LRRC32: variants seen among roughly 807,000 people sequenced by gnomAD.
LRRC32 encodes the protein transforming growth factor beta activator LRRC32.
Under a neutral mutation model 15.0 loss-of-function variants are expected in LRRC32, and 5 were observed. The observed-to-expected ratio is 0.33, with a 90% CI of 0.17 to 0.70. LRRC32 has a LOEUF of 0.70. Among genes scored for constraint, LRRC32 ranks in the 30% least tolerant of loss-of-function variants. LRRC32 has a pLI of 0.66. For synonymous variants in LRRC32, 391 were observed against 403.9 expected (o/e 0.97, Z 0.38); for missense variants, 803 against 854.2 (o/e 0.94, Z 0.75).
intron 2 of LRRC32, among the ~76,000 whole-genome samples, chr11:76,664,482 G>T (rs79302749): frequency 6.6e-6 from 1 of 152,298 alleles, no homozygotes; most frequent in East Asian, 1.9e-4. Flanking sequence ...GACACCCACT[G>T]CCCAGCTTCC....
intron 2 of LRRC32, among the ~76,000 whole-genome samples, chr11:76,665,118 T>C (rs1267450318): frequency 1.1e-4 from 16 of 152,060 alleles, no homozygotes; most frequent in Admixed American, 1.0e-3. Context: ...TCTCATAGAG[T>C]CACAAGAACT....
Position 76,661,462 on chromosome 11 carries a change from G to GT in LRRC32, c.130_131insA (p.Pro44HisfsTer9), listed in dbSNP as rs773999707. The GT allele has an allele frequency of 6.2e-7, 1 of 1,613,096 alleles. No homozygotes were observed. The highest frequency in any genetic ancestry group is 1.3e-5 in the African/African-American group (1 of 74,918). ...CTCAGTGTCTGGCGGGAGCACCGAGGGGACCTGGAGCAGGCCCAGAACCTG... is the reference window on the plus strand; with the variant it reads ...CTCAGTGTCTGGCGGGAGCACCGAGGTGGACCTGGAGCAGGCCCAGAACCTG... On this transcript the variant is annotated frameshift_variant, in exon 3 of 3. Transcript: ENST00000260061. LOFTEE classifies it low-confidence loss of function (END_TRUNC).
Position 76,661,110 on chromosome 11 carries a change from C to A in LRRC32, c.483G>T (p.Leu161=), listed in dbSNP as rs769169580. The A allele has an allele frequency of 5.6e-6, 9 of 1,613,934 alleles. No individual in the cohort carries two copies. In the South Asian group the frequency reaches 8.8e-5, roughly 16 times the overall value. The change falls in exon 3 of 3, where the codon CTG becomes CTT. Residue 161 remains leucine, a synonymous_variant. Coordinates refer to ENST00000260061, the MANE Select transcript of LRRC32 (RefSeq NM_001128922.2). ...LHTLSLAENS[L]TRLTRHTFRD... Reference sequence around the variant, plus strand: ...GGAAGGTGTGGCGGGTGAGGCGAGTCAGACTGTTCTCCGCCAGTGAGAGGG... The same window carrying A: ...GGAAGGTGTGGCGGGTGAGGCGAGTAAGACTGTTCTCCGCCAGTGAGAGGG...
At chr11:76,665,623 T>C (rs1216544880) in intron 2 of LRRC32, among the ~76,000 whole-genome samples, 3 of 152,214 alleles carry the variant, frequency 2.0e-5, no homozygotes, top group South Asian at 2.1e-4. Context: ...CTGAATGACC[T>C]TGGACAAGGC....
chr11:76,667,667 C>T (rs1952647189), intron 1 of LRRC32, among the ~76,000 whole-genome samples: 1 of 152,232 alleles, frequency 6.6e-6, no homozygotes, highest in Non-Finnish European at 1.5e-5. Context: ...AGCAGAACGC[C>T]ACCGCCCGTT....
intron 2 of LRRC32, 123 bp downstream of exon 2, chr11:76,665,748 C>T (rs1952615074): frequency 1.4e-6 from 2 of 1,410,132 alleles, no homozygotes; most frequent in African/African-American, 2.8e-5. Context: ...TCATTAAATG[C>T]AAGGTACATT....
rs565040023 is a variant in LRRC32 at position 76,667,489 on chromosome 11, G to C, written c.-4-1531C>G. Among the ~76,000 whole-genome samples, 106 of 152,204 alleles carry C rather than the reference G, an allele frequency of 7.0e-4. 1 individual carries two copies. The highest frequency in any genetic ancestry group is 1.3e-3 in the Non-Finnish European group (90 of 68,020). On this transcript the variant is annotated intron_variant, in intron 1 of 2. Coordinates refer to ENST00000260061, the MANE Select transcript of LRRC32 (RefSeq NM_001128922.2). ...TAGTGATGAGCTATGGACGAAGATG[G>C]CTGCTCTGAATCCCATCTCTCTTGA...
At chr11:76,668,155 A>G (rs1262285332) in intron 1 of LRRC32, among the ~76,000 whole-genome samples, 3 of 152,012 alleles carry the variant, frequency 2.0e-5, no homozygotes, top group African/African-American at 4.8e-5. Flanking sequence ...AGTCTCGGTG[A>G]CATGGGGTCG....
chr11:76,661,016 A>G lies in LRRC32; in HGVS notation c.577T>C (p.Phe193Leu), dbSNP rs1168455001. 2 of 1,614,126 alleles carry G rather than the reference A, an allele frequency of 1.2e-6. No homozygotes were observed. Among genetic ancestry groups the G allele is most frequent in the South Asian group, 1.1e-5 (1 of 91,076 alleles). ...NVLMDIEDGA[F>L]EGLPRLTHLN... The stretch of plus-strand genomic sequence containing the variant: ...TGGGTCAGGCGGGGCAGACCCTCGA[A>G]GGCGCCATCCTCGATGTCCATCAGC... Residue 193 changes from phenylalanine (F) to leucine (L), a missense_variant, in exon 3 of 3, where the codon TTC (phenylalanine) becomes CTC (leucine). Coordinates refer to ENST00000260061, the MANE Select transcript of LRRC32 (RefSeq NM_001128922.2).
In LRRC32 at chr11:76,668,632, A is replaced by G. The variant is rs568314693; in HGVS notation, c.-5+1982T>C. ...CACATGTCATTGTTTTCCCACATTT[A>G]TCATTTCCTCATCATTTATTTCTTA... On this transcript the variant is annotated intron_variant, in intron 1 of 2. Coordinates refer to ENST00000260061, the MANE Select transcript of LRRC32 (RefSeq NM_001128922.2). Among the ~76,000 whole-genome samples the G allele has an allele frequency of 1.2e-3, 187 of 152,248 alleles. 1 individual carries two copies. The highest frequency in any genetic ancestry group is 3.5e-3 in the African/African-American group (147 of 41,542).
chr11:76,660,624 G>A lies in LRRC32; in HGVS notation c.969C>T (p.Ser323=), dbSNP rs779716176. ...PLSQLLNLDL[S]YNEIELIPDS... ...CGGGGATGAGCTCAATCTCATTGTA[G>A]CTCAAATCCAGATTCAAGAGCTGGG... The change falls in exon 3 of 3, where the codon AGC becomes AGT. Residue 323 remains serine (S), a synonymous_variant. Transcript: ENST00000260061. The A allele has an allele frequency of 1.2e-6, 2 of 1,614,170 alleles. No individual in the cohort carries two copies. The highest frequency in any genetic ancestry group is 2.2e-5 in the South Asian group (2 of 91,082).
Position 76,665,892 on chromosome 11 carries a change from TTGG to T in LRRC32, c.60_62del (p.His20del). 1 of 1,614,070 alleles carries T rather than the reference TTGG, an allele frequency of 6.2e-7. No homozygotes were observed. On this transcript the variant is annotated inframe_deletion, in exon 2 of 3. Transcript: ENST00000260061. ...TTACCATCTTACAGGGCACTTTGTC[TTGG>T]TGTTGTGCAGCCAGGCCTAGGGTCA...
intron 1 of LRRC32, 111 bp from the exon 2 acceptor site, chr11:76,666,069 G>T (rs994302972): frequency 2.2e-6 from 2 of 919,300 alleles, no homozygotes; most frequent in South Asian, 3.0e-5. Flanking sequence ...CCCAGAGCAC[G>T]GCTGGAGCTG....
chr11:76,669,004 C>A (rs953388058), intron 1 of LRRC32, among the ~76,000 whole-genome samples: 20 of 152,310 alleles, frequency 1.3e-4, no homozygotes, highest in African/African-American at 4.8e-4. Context: ...GTCACTTAGA[C>A]CCAGGCTTGC....
At chr11:76,667,052 C>T (rs989997624) in intron 1 of LRRC32, among the ~76,000 whole-genome samples, 6 of 152,216 alleles carry the variant, frequency 3.9e-5, no homozygotes, top group African/African-American at 9.7e-5. Context: ...CTCTCTGAGC[C>T]TCAGTCTCCT....
At chr11:76,665,342 T>A (rs1170992002) in intron 2 of LRRC32, among the ~76,000 whole-genome samples, 1 of 152,012 alleles carries the variant, frequency 6.6e-6, no homozygotes, top group African/African-American at 2.4e-5. Context: ...TAGGCCAGCC[T>A]GGGAGGGGCT....
chr11:76,661,223 G>T lies in LRRC32; in HGVS notation c.370C>A (p.Pro124Thr). 6.2e-7 allele frequency: 1 copy of T among 1,613,860 alleles called. No homozygotes were observed. Among genetic ancestry groups the T allele is most frequent in the Non-Finnish European group, 8.5e-7 (1 of 1,179,916 alleles). Residue 124 changes from proline to threonine, a missense_variant, in exon 3 of 3, where the codon CCA becomes ACA. Transcript: ENST00000260061. ...GACAGGTCCAGGGAGGTCACGCGTG[G>T]CAGGGGGCCCAGGCCACCAGCACTC... ...ALSAGGLGPL[P>T]RVTSLDLSGN...
chr11:76,659,429 G>T lies in LRRC32; in HGVS notation c.*175C>A. On this transcript the variant is annotated 3_prime_UTR_variant, in exon 3 of 3. Coordinates refer to ENST00000260061, the MANE Select transcript of LRRC32 (RefSeq NM_001128922.2). ...TGGCTTCCACAGCTGGACCCAAAGT[G>T]CAGCCCGGGAAGGGGGTCACCCACT... 1.5e-6 allele frequency: 1 copy of T among 685,924 alleles called. No homozygotes were observed. Among genetic ancestry groups the T allele is most frequent in the African/African-American group, 1.8e-5 (1 of 55,578 alleles). 42.5% of individuals were successfully genotyped at this position (685,924 alleles called of 1,614,324 possible).
intron 2 of LRRC32, 168 bp downstream of exon 2, chr11:76,665,703 G>T: frequency 2.2e-6 from 1 of 453,504 alleles, no homozygotes; most frequent in Non-Finnish European, 2.9e-6. Context: ...GCAGGACTGT[G>T]GGTAAATAAG....
Sources: gnomAD v4.1 joint callset for allele counts (sites outside exome capture counted in the v4.1 genomes callset) on GRCh38, gnomAD v4.1.1 for gene constraint, MANE v1.5 for transcripts, NCBI Gene and HGNC (gene_info 2026-07-23, HGNC 2026-07-21) for gene names.